The following SLC15A4 variants were observed in gnomAD, a reference collection of about 807,000 sequenced individuals.
The protein encoded by SLC15A4 is solute carrier family 15 member 4, also known as hPHT1.
SLC15A4 carries 26 observed loss-of-function variants against 46.1 expected under a neutral mutation model. The ratio of observed to expected loss-of-function variants is 0.56; its 90% CI spans 0.41 to 0.78. The LOEUF (loss-of-function observed/expected upper bound fraction) is 0.78. Ranked by LOEUF, SLC15A4 falls within the 30% of genes least tolerant of loss-of-function variation. The pLI is 0.00. For synonymous variants in SLC15A4, 370 were observed against 333.4 expected (o/e 1.11, Z -1.20); for missense variants, 751 against 755.7 (o/e 0.99, Z 0.07).
chr12:128,801,468 A>T (rs149019694), intron 5 of SLC15A4: 1 of 155,074 alleles, frequency 6.4e-6, no homozygotes, highest in Non-Finnish European at 1.4e-5. Context: ...TTATAACAAC[A>T]AATGATGATA....
intron 2 of SLC15A4, 171 bp from the exon 3 acceptor site, chr12:128,810,282 A>G: frequency 1.6e-6 from 1 of 612,288 alleles, no homozygotes; most frequent in Non-Finnish European, 2.8e-6. Context: ...AATTATTTCT[A>G]AATGTCACAG....
chr12:128,798,062 C>T (rs1955467737), intron 7 of SLC15A4, among the ~76,000 whole-genome samples: 1 of 152,226 alleles, frequency 6.6e-6, no homozygotes, highest in Admixed American at 6.5e-5. Context: ...GAAAGGTCAA[C>T]TCTGAGATGT....
At chr12:128,797,306 G>C (rs139552867) in intron 7 of SLC15A4, among the ~76,000 whole-genome samples, 292 of 152,200 alleles carry the variant, frequency 1.9e-3, no homozygotes, top group African/African-American at 6.1e-3. Flanking sequence ...GAAGTGCTAA[G>C]TGAAAGGAGA....
intron 1 of SLC15A4, among the ~76,000 whole-genome samples, chr12:128,821,270 A>G (rs1450540185): frequency 6.6e-6 from 1 of 151,632 alleles, no homozygotes; most frequent in East Asian, 1.9e-4. Context: ...CACTTCACCC[A>G]CCTCCACTGC....
chr12:128,794,523 C>T (rs149674140), intron 7 of SLC15A4, among the ~76,000 whole-genome samples, 167 bp from the exon 8 acceptor site: 141 of 152,290 alleles, frequency 9.3e-4, no homozygotes, highest in African/African-American at 3.4e-3. Flanking sequence ...CTTTCAAAAC[C>T]ACTGAAGAAG....
intron 7 of SLC15A4, among the ~76,000 whole-genome samples, chr12:128,795,720 C>T (rs369137657): frequency 4.6e-5 from 7 of 152,252 alleles, no homozygotes; most frequent in Admixed American, 6.5e-5. Context: ...GACGTGGGAA[C>T]GACGTGTGAG....
rs138941000 is a variant in SLC15A4, at chr12:128,823,194, C to G, written c.546+204G>C. Among the ~76,000 whole-genome samples, 136 of 152,366 alleles carry G rather than the reference C, an allele frequency of 8.9e-4. 1 individual carries two copies. Among genetic ancestry groups the G allele is most frequent in the Middle Eastern group, 6.8e-3 (2 of 294 alleles). The stretch of plus-strand genomic sequence containing the variant: ...CTGTGTGTGTAGACCTCACCCCGCC[C>G]CAGGCAAACCCCTTCCAGCACCCAT... On this transcript the variant is annotated intron_variant, in intron 1 of 7. Coordinates refer to ENST00000266771, the MANE Select transcript of SLC15A4 (RefSeq NM_145648.4).
At chr12:128,823,036 C>T (rs1955872146) in intron 1 of SLC15A4, among the ~76,000 whole-genome samples, 1 of 152,014 alleles carries the variant, frequency 6.6e-6, no homozygotes, top group Non-Finnish European at 1.5e-5. Flanking sequence ...TGAGGTCTCA[C>T]TGTGTTGCCC....
At chr12:128,806,457 T>C (rs1026378600) in intron 5 of SLC15A4, among the ~76,000 whole-genome samples, 9 of 152,090 alleles carry the variant, frequency 5.9e-5, no homozygotes, top group African/African-American at 2.2e-4. Flanking sequence ...ATAAGCAAAA[T>C]CAAGTTTCTT....
chr12:128,819,858 A>G (rs1210259050), intron 1 of SLC15A4: 1 of 152,260 alleles, frequency 6.6e-6, no homozygotes, highest in Non-Finnish European at 1.5e-5. Context: ...AGAAGTATCA[A>G]TTACTCGCCT....
Position 128,823,758 on chromosome 12 carries a change from C to T in SLC15A4, c.186G>A (p.Leu62=), listed in dbSNP as rs1397176967. ...CCTCCCAGCAGAACGGCGCCCCGTT[C>T]AGGAATAGCACCAGGTTGGACGTGA... ...YGITSNLVLF[L]NGAPFCWEGA... The change falls in exon 1 of 8, where the codon CTG becomes CTA. Residue 62 remains leucine (L), a synonymous_variant. Transcript: ENST00000266771. 1.3e-6 allele frequency: 2 copies of T among 1,538,292 alleles called. No homozygotes were observed. Among genetic ancestry groups the T allele is most frequent in the Middle Eastern group, 1.7e-4 (1 of 5,932 alleles).
intron 1 of SLC15A4, among the ~76,000 whole-genome samples, chr12:128,819,169 C>T (rs539375115): frequency 8.5e-5 from 13 of 152,078 alleles, no homozygotes; most frequent in African/African-American, 2.2e-4. Context: ...TTTGGGAGGC[C>T]GAGGCAGGTG....
intron 5 of SLC15A4, among the ~76,000 whole-genome samples, chr12:128,807,047 C>T (rs557035751): frequency 4.6e-5 from 7 of 152,044 alleles, no homozygotes; most frequent in South Asian, 2.1e-4. Flanking sequence ...GGACTACAGG[C>T]GCCCGCCACC....
At chr12:128,794,605 A>G (rs1433412502) in intron 7 of SLC15A4, among the ~76,000 whole-genome samples, 1 of 152,186 alleles carries the variant, frequency 6.6e-6, no homozygotes, top group Admixed American at 6.5e-5. Context: ...ACCTGCCCCT[A>G]GCAGCCCATC....
chr12:128,802,026 A>G lies in SLC15A4; in HGVS notation c.1259-1017T>C, dbSNP rs115748103. On this transcript the variant is annotated intron_variant, in intron 5 of 7. Coordinates refer to ENST00000266771, the MANE Select transcript of SLC15A4 (RefSeq NM_145648.4). ...AAGCAAAGTGAAAACATTCTCCAGG[A>G]TCAAAGTAGAGAGAGACCTTCGAGC... is the stretch of plus-strand genomic sequence containing the variant. Among the ~76,000 whole-genome samples, 1,014 of 152,314 alleles carry G rather than the reference A, an allele frequency of 6.7e-3. 13 individuals are homozygous for G. Among genetic ancestry groups the G allele is most frequent in the African/African-American group, 0.019 (807 of 41,566 alleles).
rs1422477960 is a variant in SLC15A4, at chr12:128,823,604, G to T, written c.340C>A (p.Leu114Met). 60 of 1,461,550 alleles carry T rather than the reference G, an allele frequency of 4.1e-5. No homozygotes were observed. The highest frequency in any genetic ancestry group is 5.3e-5 in the Non-Finnish European group (59 of 1,112,832). 90.5% of individuals were successfully genotyped at this position (1,461,550 alleles called of 1,614,324 possible). A position where few individuals can be genotyped will look rare whatever the true frequency, so the allele number is the denominator to read the frequency against. ...AGCGGGAAGGCCAGCATGCCCAGCA[G>T]GTAGAGCGCCAGGCTCAGCAGGATG... ...RAILLSLALY[L>M]LGMLAFPLLA... is the part of the protein sequence containing the mutation. Residue 114 changes from leucine (L) to methionine (M), a missense_variant, in exon 1 of 8, where the codon CTG becomes ATG. Leu to Met is a conservative substitution (Grantham distance 15). Coordinates refer to ENST00000266771, the MANE Select transcript of SLC15A4 (RefSeq NM_145648.4).
Position 128,823,518 on chromosome 12 carries a change from C to T in SLC15A4, c.426G>A (p.Thr142=). ...GGGCGGCGGCGTCGGGACCAGGCGC[C>T]GTGCAGTTGAGCAGGCGCGCGGAAC... The part of the protein sequence containing the change: ...LCGSARLLNC[T]APGPDAAARC... Residue 142 remains threonine, a synonymous_variant, in exon 1 of 8, where the codon ACG becomes ACA. Transcript: ENST00000266771. 6.8e-7 allele frequency: 1 copy of T among 1,478,582 alleles called. No individual in the cohort carries two copies. Among genetic ancestry groups the T allele is most frequent in the Non-Finnish European group, 8.9e-7 (1 of 1,121,806 alleles). The allele number at this position is 1,478,582 out of a possible 1,614,324, so 91.6% of individuals were successfully genotyped here. A position where few individuals can be genotyped will look rare whatever the true frequency, so the allele number is the denominator to read the frequency against.
At chr12:128,801,280 T>A in intron 5 of SLC15A4, 1 of 293,736 alleles carries the variant, frequency 3.4e-6, no homozygotes, top group South Asian at 6.2e-5. Flanking sequence ...TTTCATTTAA[T>A]CCTCAAATAT....
chr12:128,804,338 A>G (rs1479310000), intron 5 of SLC15A4, among the ~76,000 whole-genome samples: 5 of 152,276 alleles, frequency 3.3e-5, no homozygotes, highest in Non-Finnish European at 5.9e-5. Flanking sequence ...AGAGAACATT[A>G]AAACAAATCA....
Sources: gnomAD v4.1 joint callset for allele counts (sites outside exome capture counted in the v4.1 genomes callset) on GRCh38, gnomAD v4.1.1 for gene constraint, MANE v1.5 for transcripts, NCBI Gene and HGNC (gene_info 2026-07-23, HGNC 2026-07-21) for gene names.